The following COL27A1 variants were observed in gnomAD, a reference collection of about 807,000 sequenced individuals.
COL27A1 encodes collagen type XXVII alpha 1 chain, also known as collagen alpha-1(XXVII) chain.
Under a neutral mutation model 251.3 loss-of-function variants are expected in COL27A1, and 106 were observed. The ratio of observed to expected loss-of-function variants is 0.42; its 90% CI spans 0.36 to 0.50. The LOEUF (loss-of-function observed/expected upper bound fraction) is 0.50, where lower values mean the gene tolerates loss of function less well. Ranked by LOEUF, COL27A1 falls within the 20% of genes least tolerant of loss-of-function variation. The pLI is 0.00. For synonymous variants in COL27A1, 1,000 were observed against 986.3 expected (o/e 1.01, Z -0.26); for missense variants, 2,325 against 2,522.8 (o/e 0.92, Z 1.68).
In COL27A1 at chr9:114,243,555, G is replaced by A. The variant is rs143200559; in HGVS notation, c.2929G>A (p.Val977Met). 42 of 1,613,066 alleles carry A rather than the reference G, an allele frequency of 2.6e-5. No homozygotes were observed. Among genetic ancestry groups the A allele is most frequent in the South Asian group, 3.3e-5 (3 of 91,016 alleles). The change falls in exon 23 of 61, where the codon GTG becomes ATG. Residue 977 changes from valine to methionine, a missense_variant. Physicochemically the swap from Val to Met is conservative, Grantham distance 21. Around this residue, in one of 4 missense-constraint regions of COL27A1, gnomAD observed 662 missense variants for 795.3 expected, o/e 0.83. Coordinates refer to ENST00000356083, the MANE Select transcript of COL27A1 (RefSeq NM_032888.4). ...GFPGRPGLDGVKGEPGDPGRP... is the reference protein window; with the variant it reads ...GFPGRPGLDGMKGEPGDPGRP... ...TCCTGGGAGGCCCGGCCTGGATGGCGTGAAGGTGAGGGGACCTGGAGATCC... is the reference window on the plus strand; with the variant it reads ...TCCTGGGAGGCCCGGCCTGGATGGCATGAAGGTGAGGGGACCTGGAGATCC...
At position 114,242,245 on chromosome 9, in the gene COL27A1, G is replaced by C. The variant is rs1298910367; in HGVS notation, c.2880+14G>C. On this transcript the variant is annotated intron_variant, in intron 22 of 60. Transcript: ENST00000356083. ...CCTGGCTTGGAGGTGAGTGTCACTGGCCTGGGGTAGGTGGCATTCATGGGA... is the reference window on the plus strand; with the variant it reads ...CCTGGCTTGGAGGTGAGTGTCACTGCCCTGGGGTAGGTGGCATTCATGGGA... 1 of 1,607,446 alleles carries C rather than the reference G, an allele frequency of 6.2e-7. No individual in the cohort carries two copies. Among genetic ancestry groups the C allele is most frequent in the Non-Finnish European group, 8.5e-7 (1 of 1,177,552 alleles).
At chr9:114,246,038 C>A in intron 24 of COL27A1, 128 bp downstream of exon 24, 1 of 753,472 alleles carries the variant, frequency 1.3e-6, no homozygotes, top group South Asian at 1.8e-5. Flanking sequence ...GAGGTAGGTT[C>A]AGTCCTCTAC....
In COL27A1 at chr9:114,173,307, G is replaced by A. The variant is rs558480637; in HGVS notation, c.1908+3844G>A. Reference sequence around the variant, plus strand: ...GCAAATGTCCCCTCGGGAAGACGCCGCTAAGGGCCTGGCCCACACCACGTG... The same window carrying A: ...GCAAATGTCCCCTCGGGAAGACGCCACTAAGGGCCTGGCCCACACCACGTG... On this transcript the variant is annotated intron_variant, in intron 3 of 60. Coordinates refer to ENST00000356083, the MANE Select transcript of COL27A1 (RefSeq NM_032888.4). Among the ~76,000 whole-genome samples, 7 of 152,370 alleles carry A rather than the reference G, an allele frequency of 4.6e-5. No individual in the cohort carries two copies. The South Asian group carries it at 1.0e-3, about 23-fold the overall frequency.
intron 7 of COL27A1, among the ~76,000 whole-genome samples, chr9:114,197,820 A>G (rs950747098): frequency 1.3e-5 from 2 of 152,248 alleles, no homozygotes; most frequent in East Asian, 1.9e-4. Flanking sequence ...CTAGACATGC[A>G]CAGAAGAGTT....
intron 21 of COL27A1, among the ~76,000 whole-genome samples, chr9:114,241,763 G>A (rs928809175): frequency 3.3e-5 from 5 of 152,230 alleles, no homozygotes; most frequent in African/African-American, 1.2e-4. Context: ...CTGACCTCCA[G>A]GAACTCAGCT....
At chr9:114,287,178 G>A (rs1470861299) in intron 41 of COL27A1, among the ~76,000 whole-genome samples, 2 of 152,174 alleles carry the variant, frequency 1.3e-5, no homozygotes, top group Non-Finnish European at 2.9e-5. Flanking sequence ...GCCCAGGCTG[G>A]TGGCTGATCA....
At chr9:114,214,086 G>A (rs975436505) in intron 12 of COL27A1, among the ~76,000 whole-genome samples, 14 of 152,094 alleles carry the variant, frequency 9.2e-5, no homozygotes, top group Non-Finnish European at 1.8e-4. Context: ...ACTTCACATC[G>A]GCTGAGTCCC....
chr9:114,241,918 A>G (rs1832781766), intron 21 of COL27A1, among the ~76,000 whole-genome samples: 2 of 152,226 alleles, frequency 1.3e-5, no homozygotes, highest in Non-Finnish European at 2.9e-5. Flanking sequence ...CTCACAGCAC[A>G]CAACGGGGTT....
rs937036041 is a variant in COL27A1, at chr9:114,312,415, C to A, written c.*1720C>A. Reference sequence around the variant, plus strand: ...GTTTTCCTGCTGTCTTCGTTTACGTCTCTGTCCACATGTCAGTGTATTAAA... The same window carrying A: ...GTTTTCCTGCTGTCTTCGTTTACGTATCTGTCCACATGTCAGTGTATTAAA... On this transcript the variant is annotated 3_prime_UTR_variant, in exon 61 of 61. Coordinates refer to ENST00000356083, the MANE Select transcript of COL27A1 (RefSeq NM_032888.4). 2.0e-5 allele frequency: 3 copies of A among 152,184 alleles called. No individual in the cohort carries two copies. The South Asian group carries it at 6.2e-4, about 31-fold the overall frequency. 9.4% of individuals were successfully genotyped at this position (152,184 alleles called of 1,614,324 possible). A position where few individuals can be genotyped will look rare whatever the true frequency, so the allele number is the denominator to read the frequency against.
intron 7 of COL27A1, among the ~76,000 whole-genome samples, chr9:114,199,283 T>G (rs1317939762): frequency 1.3e-5 from 2 of 152,106 alleles, no homozygotes; most frequent in African/African-American, 2.4e-5. Flanking sequence ...TTCTAATGAG[T>G]AGAAGCCAGA....
rs1039017551 is a variant in COL27A1 at position 114,275,754 on chromosome 9, G to A, written c.3703G>A (p.Val1235Ile). ...GGACGGGCCCCCCGGCCCCCCTGGC[G>A]TCACTGGTGTCCGGGTGAGTGTGCA... The part of the protein sequence containing the change: ...GEDGPPGPPG[V>I]TGVRGPEGKS... Residue 1235 changes from valine (V) to isoleucine (I), a missense_variant, in exon 37 of 61, where the codon GTC becomes ATC. This residue lies in a region of COL27A1 where 662 missense variants were observed against 795.3 expected (regional missense o/e 0.83). Coordinates refer to ENST00000356083, the MANE Select transcript of COL27A1 (RefSeq NM_032888.4). 29 of 1,546,982 alleles carry A rather than the reference G, an allele frequency of 1.9e-5. No individual in the cohort carries two copies. The African/African-American group carries it at 2.2e-4, about 12-fold the overall frequency.
intron 28 of COL27A1, among the ~76,000 whole-genome samples, chr9:114,260,004 G>T (rs979644696): frequency 4.8e-5 from 7 of 146,668 alleles, no homozygotes; most frequent in South Asian, 2.4e-4. Flanking sequence ...GTGGGGGGGG[G>T]GTCTCTTCAA....
rs1249643202 is a variant in COL27A1 at position 114,302,733 on chromosome 9, A to G, written c.4872+625A>G. On this transcript the variant is annotated intron_variant, in intron 56 of 60. Coordinates refer to ENST00000356083, the MANE Select transcript of COL27A1 (RefSeq NM_032888.4). The stretch of plus-strand genomic sequence containing the variant: ...AAAAAGAAACAAAAAAAACAAAAAA[A>G]AAAAAAAACAAAGAGAGTCGGGCCA... 3.3e-5 allele frequency among the ~76,000 whole-genome samples: 5 copies of G among 151,790 alleles called. 1 individual carries two copies. Among genetic ancestry groups the G allele is most frequent in the Admixed American group, 2.6e-4 (4 of 15,252 alleles).
chr9:114,301,969 G>A (rs2131666828), intron 55 of COL27A1, 113 bp from the exon 56 acceptor site: 2 of 1,126,622 alleles, frequency 1.8e-6, no homozygotes, highest in Non-Finnish European at 2.7e-6. Context: ...GGAAAGCAGA[G>A]GCCAGCTTGG....
Position 114,155,980 on chromosome 9 carries a change from A to G in COL27A1, c.30A>G (p.Arg10=). The change falls in exon 1 of 61, where the codon CGA becomes CGG. Residue 10 remains arginine, a synonymous_variant. Transcript: ENST00000356083. The surrounding 1 kb of genome is among the most constrained non-coding windows in gnomAD (Gnocchi z 5.5). MGAGSARGA[R]GTAAAAAARG... Reference sequence around the variant, plus strand: ...GAGCGGGATCGGCGCGGGGGGCCCGAGGCACAGCGGCGGCGGCGGCGGCGC... The same window carrying G: ...GAGCGGGATCGGCGCGGGGGGCCCGGGGCACAGCGGCGGCGGCGGCGGCGC... The G allele has an allele frequency of 7.7e-7, 1 of 1,292,394 alleles. No individual in the cohort carries two copies. 80.1% of individuals were successfully genotyped at this position (1,292,394 alleles called of 1,614,324 possible). A position where few individuals can be genotyped will look rare whatever the true frequency, so the allele number is the denominator to read the frequency against.
intron 10 of COL27A1, among the ~76,000 whole-genome samples, chr9:114,207,011 C>A (rs1003295789): frequency 1.3e-5 from 2 of 152,136 alleles, no homozygotes; most frequent in African/African-American, 4.8e-5. Flanking sequence ...GTTTCTTTTA[C>A]ACACAAAGAA....
At position 114,284,876 on chromosome 9, in the gene COL27A1, G is replaced by A. The variant is rs376366481; in HGVS notation, c.3987+99G>A. 24 of 1,339,272 alleles carry A rather than the reference G, an allele frequency of 1.8e-5. 1 individual carries two copies. In the African/African-American group the frequency reaches 1.9e-4, roughly 10 times the overall value. The allele number at this position is 1,339,272 out of a possible 1,614,324, so 83.0% of individuals were successfully genotyped here. A position where few individuals can be genotyped will look rare whatever the true frequency, so the allele number is the denominator to read the frequency against. ...GAAAGCCCCTGGGGTACCCATGGCTGGAGAAGCCTGTGGGGGCTCACCCCC... is the reference window on the plus strand; with the variant it reads ...GAAAGCCCCTGGGGTACCCATGGCTAGAGAAGCCTGTGGGGGCTCACCCCC... On this transcript the variant is annotated intron_variant, in intron 41 of 60. Transcript: ENST00000356083.
rs1216790370 is a variant in COL27A1 at position 114,195,967 on chromosome 9, G to A, written c.2079G>A (p.Met693Ile). 1 of 1,613,652 alleles carries A rather than the reference G, an allele frequency of 6.2e-7. No individual in the cohort carries two copies. Among genetic ancestry groups the A allele is most frequent in the Non-Finnish European group, 8.5e-7 (1 of 1,179,518 alleles). Residue 693 changes from methionine to isoleucine, a missense_variant, in exon 7 of 61, where the codon ATG becomes ATA. Met to Ile is a conservative substitution (Grantham distance 10, BLOSUM62 1). Around this residue, in one of 4 missense-constraint regions of COL27A1, gnomAD observed 1,183 missense variants for 1,144.1 expected, o/e 1.03. Coordinates refer to ENST00000356083, the MANE Select transcript of COL27A1 (RefSeq NM_032888.4). Reference protein sequence around the residue: ...GKAHDGAKGDMGLPGLSGNPG... With the variant: ...GKAHDGAKGDIGLPGLSGNPG... ...TTGTCTGTGTCTTCCAGGGTGACAT[G>A]GGCTTGCCTGGGCTCTCCGGGAATC...
chr9:114,301,280 G>T lies in COL27A1; in HGVS notation c.4756-4G>T. 6.2e-7 allele frequency: 1 copy of T among 1,612,852 alleles called. No homozygotes were observed. The highest frequency in any genetic ancestry group is 8.5e-7 in the Non-Finnish European group (1 of 1,179,422). ...CTGTCTCACTGGGCCGTGGTTTGTTGCAGGGTCCGAAGGGTGACAAAGGCA... is the reference window on the plus strand; with the variant it reads ...CTGTCTCACTGGGCCGTGGTTTGTTTCAGGGTCCGAAGGGTGACAAAGGCA... On this transcript the variant is annotated splice_polypyrimidine_tract_variant and splice_region_variant and intron_variant, in intron 52 of 60. Transcript: ENST00000356083.
Sources: gnomAD v4.1 joint callset for allele counts (sites outside exome capture counted in the v4.1 genomes callset) on GRCh38, gnomAD v4.1.1 for gene constraint, gnomAD v4.1.1 regional missense constraint, Gnocchi (gnomAD v3.1) non-coding constraint, MANE v1.5 for transcripts, NCBI Gene and HGNC (gene_info 2026-07-23, HGNC 2026-07-21) for gene names.